MARCHF11: variants seen among roughly 807,000 people sequenced by gnomAD.
The protein encoded by MARCHF11 is membrane associated ring-CH-type finger 11.
In MARCHF11, 29 loss-of-function variants were observed where a neutral mutation model predicts 37.3. The observed-to-expected ratio is 0.78, with a 90% CI of 0.58 to 1.06. The LOEUF is 1.06. MARCHF11 is among the 50% of genes least tolerant of loss of function. The pLI, the probability that MARCHF11 is intolerant of heterozygous loss-of-function variation, is 0.00. For synonymous variants in MARCHF11, 233 were observed against 228.0 expected (o/e 1.02, Z -0.20); for missense variants, 482 against 533.4 (o/e 0.90, Z 0.95).
chr5:16,148,765 G>A (rs1737845107), intron 2 of MARCHF11, among the ~76,000 whole-genome samples: 1 of 152,068 alleles, frequency 6.6e-6, no homozygotes, highest in South Asian at 2.1e-4. Context: ...GCTATTTTGT[G>A]CTAAAAATCT....
chr5:16,117,669 G>C (rs1737244107), intron 2 of MARCHF11, among the ~76,000 whole-genome samples: 1 of 152,152 alleles, frequency 6.6e-6, no homozygotes, highest in Non-Finnish European at 1.5e-5. Flanking sequence ...TGGGAGGATG[G>C]CTTGAGCCCA....
chr5:16,151,649 A>ATG (rs58891017), intron 2 of MARCHF11, among the ~76,000 whole-genome samples: 13,734 of 131,284 alleles, frequency 0.1, 807 homozygotes, highest in East Asian at 0.15. Context: ...CGTGAGTTGA[A>ATG]TGTGTGTGTG....
At chr5:16,148,645 C>T (rs1012320697) in intron 2 of MARCHF11, among the ~76,000 whole-genome samples, 2 of 152,188 alleles carry the variant, frequency 1.3e-5, no homozygotes, top group Non-Finnish European at 2.9e-5. Context: ...CAAAAGCAGA[C>T]ATACAGGCTG....
intron 2 of MARCHF11, among the ~76,000 whole-genome samples, chr5:16,091,356 G>A (rs1005487010): frequency 6.6e-6 from 1 of 152,138 alleles, no homozygotes; most frequent in Non-Finnish European, 1.5e-5. Flanking sequence ...GAATGGCTAA[G>A]GAATATTTAG....
chr5:16,151,366 T>A (rs1325402004), intron 2 of MARCHF11, among the ~76,000 whole-genome samples: 1 of 151,944 alleles, frequency 6.6e-6, no homozygotes, highest in Non-Finnish European at 1.5e-5. Flanking sequence ...CTTGCACAAT[T>A]ACATCCTTAG....
At chr5:16,097,450 C>T (rs1174069560) in intron 2 of MARCHF11, among the ~76,000 whole-genome samples, 1 of 152,114 alleles carries the variant, frequency 6.6e-6, no homozygotes, top group Admixed American at 6.5e-5. Flanking sequence ...TAGAGAAAAT[C>T]ATTAGAAAAC....
intron 3 of MARCHF11, among the ~76,000 whole-genome samples, chr5:16,078,816 C>T (rs1736561221): frequency 6.6e-6 from 1 of 152,076 alleles, no homozygotes; most frequent in East Asian, 1.9e-4. Flanking sequence ...CTCCCATTCC[C>T]ATGTTGATTT....
chr5:16,155,136 G>A (rs1407916002), intron 2 of MARCHF11, among the ~76,000 whole-genome samples: 1 of 151,766 alleles, frequency 6.6e-6, no homozygotes. Flanking sequence ...TAATGCATTG[G>A]TTAAAAAAAG....
At chr5:16,072,510 C>CTGTGTG (rs34699021) in intron 3 of MARCHF11, among the ~76,000 whole-genome samples, 3,884 of 146,662 alleles carry the variant, frequency 0.026, 116 homozygotes, top group African/African-American at 0.07. Flanking sequence ...CTCTCTCACT[C>CTGTGTG]TGTGTGTGTG....
intron 2 of MARCHF11, among the ~76,000 whole-genome samples, chr5:16,175,697 T>A (rs1162235266): frequency 1.3e-5 from 2 of 152,244 alleles, no homozygotes; most frequent in African/African-American, 4.8e-5. Context: ...TGTTCTGTTC[T>A]ACATCCAAGA....
At chr5:16,125,003 T>C (rs1579396365) in intron 2 of MARCHF11, among the ~76,000 whole-genome samples, 1 of 151,648 alleles carries the variant, frequency 6.6e-6, no homozygotes, top group East Asian at 1.9e-4. Flanking sequence ...GTGTCAGGAA[T>C]GTTGGCTTGG....
intron 2 of MARCHF11, chr5:16,141,031 T>C (rs1560987070): frequency 6.6e-6 from 1 of 152,518 alleles, no homozygotes; most frequent in Non-Finnish European, 1.5e-5. Context: ...GGTCAAGCAA[T>C]GGCAGTGGAA....
intron 2 of MARCHF11, among the ~76,000 whole-genome samples, chr5:16,119,141 T>C (rs1406385421): frequency 2.6e-5 from 4 of 151,994 alleles, no homozygotes; most frequent in Admixed American, 2.6e-4. Flanking sequence ...GGTGGGTGGA[T>C]CACTTGAGGT....
At chr5:16,167,681 T>C (rs962990030) in intron 2 of MARCHF11, among the ~76,000 whole-genome samples, 3 of 152,108 alleles carry the variant, frequency 2.0e-5, no homozygotes, top group African/African-American at 7.2e-5. Context: ...ACCCAGTTTA[T>C]TTCCATTAGC....
At chr5:16,108,961 G>A (rs973766294) in intron 2 of MARCHF11, among the ~76,000 whole-genome samples, 34 of 152,226 alleles carry the variant, frequency 2.2e-4, no homozygotes, top group Non-Finnish European at 1.5e-5. Context: ...GAAAAACCTC[G>A]ATGAGGGTCC....
chr5:16,159,738 T>C (rs1165275382), intron 2 of MARCHF11, among the ~76,000 whole-genome samples: 1 of 151,878 alleles, frequency 6.6e-6, no homozygotes, highest in Non-Finnish European at 1.5e-5. Context: ...AGGCTCATTC[T>C]CCATACATCC....
chr5:16,075,857 G>T (rs1274882672), intron 3 of MARCHF11, among the ~76,000 whole-genome samples: 1 of 152,156 alleles, frequency 6.6e-6, no homozygotes, highest in South Asian at 2.1e-4. Flanking sequence ...CATATGGGCA[G>T]GGCAGAGGAC....
intron 2 of MARCHF11, among the ~76,000 whole-genome samples, chr5:16,159,889 A>C (rs1738042406): frequency 6.6e-6 from 1 of 151,968 alleles, no homozygotes; most frequent in South Asian, 2.1e-4. Flanking sequence ...GCCATTAGTA[A>C]AATAATCCTT....
chr5:16,114,174 T>C (rs909095536), intron 2 of MARCHF11, among the ~76,000 whole-genome samples: 3 of 152,246 alleles, frequency 2.0e-5, no homozygotes, highest in Non-Finnish European at 4.4e-5. Flanking sequence ...TTCATCTGTT[T>C]ACAGACACTT....
Sources: allele counts gnomAD v4.1 joint callset (sites outside exome capture counted in the v4.1 genomes callset), GRCh38; gene constraint gnomAD v4.1.1; transcripts MANE v1.5; gene names NCBI Gene and HGNC (gene_info 2026-07-23, HGNC 2026-07-21).